Variants in TMTC1 observed in about 807,000 individuals in gnomAD.
TMTC1 encodes transmembrane O-mannosyltransferase targeting cadherins 1.
Under a neutral mutation model 104.8 loss-of-function variants are expected in TMTC1, and 73 were observed. The ratio of observed to expected loss-of-function variants is 0.70; its 90% CI spans 0.58 to 0.85. TMTC1 has a LOEUF of 0.85. TMTC1 is among the 40% of genes least tolerant of loss of function. TMTC1 has a pLI of 0.00. For missense variants in TMTC1, 1,035 were observed against 1,096.1 expected, an observed-to-expected ratio of 0.94 and a Z score of 0.79; for synonymous variants, 434 against 428.7, an observed-to-expected ratio of 1.01 and a Z score of -0.15.
At chr12:29,646,332 A>C (rs1306642956) in intron 5 of TMTC1, among the ~76,000 whole-genome samples, 1 of 152,242 alleles carries the variant, frequency 6.6e-6, no homozygotes, top group East Asian at 1.9e-4. Context: ...CTTAAATAAA[A>C]GCTCAGGCTT....
intron 6 of TMTC1, among the ~76,000 whole-genome samples, chr12:29,631,631 G>A (rs1319826777): frequency 1.3e-5 from 2 of 152,076 alleles, no homozygotes; most frequent in Admixed American, 6.6e-5. Context: ...ACACACTCCT[G>A]TTTCTTCGTA....
intron 7 of TMTC1, among the ~76,000 whole-genome samples, chr12:29,593,402 A>G (rs1211065350): frequency 1.3e-5 from 2 of 152,224 alleles, no homozygotes; most frequent in Non-Finnish European, 2.9e-5. Flanking sequence ...TTAGATCTGT[A>G]AATAACACCT....
intron 5 of TMTC1, among the ~76,000 whole-genome samples, chr12:29,724,373 C>T (rs1942323795): frequency 6.6e-6 from 1 of 152,150 alleles, no homozygotes; most frequent in Admixed American, 6.5e-5. Flanking sequence ...TACACATGCC[C>T]TATGACCTGA....
chr12:29,671,218 C>T (rs895163577), intron 5 of TMTC1, among the ~76,000 whole-genome samples: 1 of 151,172 alleles, frequency 6.6e-6, no homozygotes, highest in Non-Finnish European at 1.5e-5. Flanking sequence ...ATCACCTGAA[C>T]CTGGGAGGCC....
In TMTC1 at chr12:29,755,825, C is replaced by G; in HGVS notation, c.615G>C (p.Leu205Phe). The change falls in exon 4 of 18, where the codon TTG becomes TTC. Residue 205 changes from leucine to phenylalanine, a missense_variant. Coordinates refer to ENST00000539277, the MANE Select transcript of TMTC1 (RefSeq NM_001193451.2). ...AGGTCCCCAGAAACAAACTGAGCAG[C>G]AAGAAGAAGGGAGACACCGTGGAAG... ...SFPSTVSPFF[L>F]LLSLFLGTCA... 1 of 1,614,162 alleles carries G rather than the reference C, an allele frequency of 6.2e-7. No individual in the cohort carries two copies. The highest frequency in any genetic ancestry group is 8.5e-7 in the Non-Finnish European group (1 of 1,180,006).
At chr12:29,666,649 C>T (rs377677235) in intron 5 of TMTC1, among the ~76,000 whole-genome samples, 4 of 152,136 alleles carry the variant, frequency 2.6e-5, no homozygotes, top group African/African-American at 9.7e-5. Context: ...CCACTTTCCA[C>T]TGGAAATGGT....
intron 7 of TMTC1, among the ~76,000 whole-genome samples, chr12:29,598,343 G>T (rs1946468072): frequency 6.6e-6 from 1 of 152,182 alleles, no homozygotes; most frequent in Non-Finnish European, 1.5e-5. Flanking sequence ...TTCTCCTTTT[G>T]CATTCTGAGA....
intron 5 of TMTC1, among the ~76,000 whole-genome samples, chr12:29,701,524 A>G (rs1330619400): frequency 6.6e-6 from 1 of 151,314 alleles, no homozygotes; most frequent in Admixed American, 6.6e-5. Context: ...CTTCCTTCCT[A>G]CTCTGCTTCA....
At position 29,655,610 on chromosome 12, in the gene TMTC1, C is replaced by A. The variant is rs560625609; in HGVS notation, c.939-22274G>T. ...ATCATCTTTTGTTTTGTTCCCATGTCTTAGAAATTTTGCTTAACAAAGGTT... is the reference window on the plus strand; with the variant it reads ...ATCATCTTTTGTTTTGTTCCCATGTATTAGAAATTTTGCTTAACAAAGGTT... On this transcript the variant is annotated intron_variant, in intron 5 of 17. Transcript: ENST00000539277. 5.3e-5 allele frequency among the ~76,000 whole-genome samples: 8 copies of A among 152,234 alleles called. No individual in the cohort carries two copies. The South Asian group carries it at 1.7e-3, about 32-fold the overall frequency.
chr12:29,683,442 T>C (rs552380256), intron 5 of TMTC1, among the ~76,000 whole-genome samples: 58 of 152,314 alleles, frequency 3.8e-4, no homozygotes, highest in African/African-American at 1.3e-3. Flanking sequence ...CAGAAAGAAG[T>C]AATTTAAAGA....
At chr12:29,532,246 T>A (rs558399665) in intron 11 of TMTC1, among the ~76,000 whole-genome samples, 1 of 152,130 alleles carries the variant, frequency 6.6e-6, no homozygotes, top group South Asian at 2.1e-4. Flanking sequence ...AACTTAAAGG[T>A]TGTACACTGC....
At position 29,700,470 on chromosome 12, in the gene TMTC1, A is replaced by G. The variant is rs569097754; in HGVS notation, c.938+51196T>C. ...CCACCTTGATCTCCCAAAGTTCTGG[A>G]ATTATAGGCATGAGCCACCGCACCA... On this transcript the variant is annotated intron_variant, in intron 5 of 17. Transcript: ENST00000539277. 3.9e-5 allele frequency among the ~76,000 whole-genome samples: 6 copies of G among 152,010 alleles called. No homozygotes were observed. In the South Asian group the frequency reaches 1.2e-3, roughly 32 times the overall value.
intron 5 of TMTC1, among the ~76,000 whole-genome samples, chr12:29,654,684 C>A (rs1177973694): frequency 6.7e-6 from 1 of 148,932 alleles, no homozygotes; most frequent in South Asian, 2.1e-4. Context: ...TTCGTAATAG[C>A]CAAAAAGAGG....
intron 5 of TMTC1, among the ~76,000 whole-genome samples, chr12:29,670,529 C>T (rs1421655739): frequency 7.2e-5 from 11 of 152,188 alleles, no homozygotes; most frequent in South Asian, 4.1e-4. Context: ...CTACCTCTCA[C>T]GGCATTTCCA....
intron 9 of TMTC1, among the ~76,000 whole-genome samples, chr12:29,566,453 G>C (rs1945518998): frequency 6.6e-6 from 1 of 152,188 alleles, no homozygotes; most frequent in African/African-American, 2.4e-5. Flanking sequence ...ATTGCTGTGA[G>C]TGGGGCTCCA....
intron 5 of TMTC1, among the ~76,000 whole-genome samples, chr12:29,650,540 A>G (rs1449651521): frequency 6.6e-6 from 1 of 152,186 alleles, no homozygotes; most frequent in Non-Finnish European, 1.5e-5. Flanking sequence ...TCTCAGTGGC[A>G]AAGTCAAAGC....
At chr12:29,750,435 A>G (rs1943062439) in intron 5 of TMTC1, among the ~76,000 whole-genome samples, 1 of 152,164 alleles carries the variant, frequency 6.6e-6, no homozygotes, top group Non-Finnish European at 1.5e-5. Context: ...ACTAGAAGAA[A>G]AGCTACACAA....
At chr12:29,780,203 T>C (rs1056730096) in intron 1 of TMTC1, among the ~76,000 whole-genome samples, 4 of 152,212 alleles carry the variant, frequency 2.6e-5, no homozygotes, top group African/African-American at 9.6e-5. Flanking sequence ...GTAAGTGAAT[T>C]TTTATAGCAG....
upstream of TMTC1, among the ~76,000 whole-genome samples, chr12:29,784,121 G>GCGT: frequency 6.6e-6 from 1 of 151,934 alleles, no homozygotes; most frequent in East Asian, 2.0e-4. Context: ...GCGGCGCGCG[G>GCGT]CTGCCCGGGA....
Sources: gnomAD v4.1 joint callset for allele counts (sites outside exome capture counted in the v4.1 genomes callset) on GRCh38, gnomAD v4.1.1 for gene constraint, MANE v1.5 for transcripts, NCBI Gene and HGNC (gene_info 2026-07-23, HGNC 2026-07-21) for gene names.